The following STXBP6 variants were observed in gnomAD, a reference collection of about 807,000 sequenced individuals.
STXBP6 encodes syntaxin binding protein 6, also known as syntaxin-binding protein 6.
Under a neutral mutation model 26.9 loss-of-function variants are expected in STXBP6, and 21 were observed. The observed-to-expected ratio is 0.78, with a 90% CI of 0.55 to 1.12. The LOEUF is 1.12. STXBP6 is among the 50% of genes most tolerant of loss of function. STXBP6 has a pLI of 0.00. For missense variants in STXBP6, 232 were observed against 257.9 expected (o/e 0.90, Z 0.69); for synonymous variants, 97 against 92.6 (o/e 1.05, Z -0.27).
chr14:24,907,029 G>A (rs946369432), intron 2 of STXBP6, among the ~76,000 whole-genome samples: 1 of 152,086 alleles, frequency 6.6e-6, no homozygotes, highest in African/African-American at 2.4e-5. Context: ...GGGGGAAAAG[G>A]GGAATAAAGA....
chr14:24,900,595 T>C (rs940584872), intron 2 of STXBP6, among the ~76,000 whole-genome samples: 11 of 152,290 alleles, frequency 7.2e-5, no homozygotes, highest in Admixed American at 2.0e-4. Flanking sequence ...CTGGGCTAAA[T>C]GACAAGAGAA....
chr14:24,958,524 G>A (rs1214303278), intron 2 of STXBP6, among the ~76,000 whole-genome samples: 1 of 152,086 alleles, frequency 6.6e-6, no homozygotes, highest in Admixed American at 6.6e-5. Context: ...GAAATATTAT[G>A]TAGAAAAATA....
At chr14:25,035,650 G>A (rs903154371) in intron 1 of STXBP6, among the ~76,000 whole-genome samples, 2 of 152,086 alleles carry the variant, frequency 1.3e-5, no homozygotes, top group African/African-American at 4.8e-5. Context: ...TCTTACCAGA[G>A]GAAGTTTTCA....
chr14:25,017,168 G>A (rs1009822579), intron 1 of STXBP6, among the ~76,000 whole-genome samples: 1 of 152,184 alleles, frequency 6.6e-6, no homozygotes, highest in Non-Finnish European at 1.5e-5. Flanking sequence ...TAAACAGAAT[G>A]TATTTGTGCT....
At chr14:24,990,776 G>C (rs185979805) in intron 1 of STXBP6, among the ~76,000 whole-genome samples, 3 of 151,960 alleles carry the variant, frequency 2.0e-5, no homozygotes, top group African/African-American at 7.2e-5. Flanking sequence ...GCTGAGAGAA[G>C]AAGGTTGATC....
chr14:24,814,966 T>C (rs1246934060), intron 5 of STXBP6, among the ~76,000 whole-genome samples: 1 of 149,152 alleles, frequency 6.7e-6, no homozygotes, highest in Non-Finnish European at 1.5e-5. Flanking sequence ...TTCTGTTGTA[T>C]ATAAGTCACC....
At chr14:24,815,918 A>G (rs1432033629) in intron 5 of STXBP6, 1 of 152,234 alleles carries the variant, frequency 6.6e-6, no homozygotes, top group Non-Finnish European at 1.5e-5. Context: ...CAGTCTAGGA[A>G]GGCAGGGCGG....
chr14:24,844,641 C>T (rs930887171), intron 4 of STXBP6, among the ~76,000 whole-genome samples: 16 of 152,146 alleles, frequency 1.1e-4, no homozygotes, highest in Non-Finnish European at 1.6e-4. Context: ...GAAACAGATC[C>T]TAAAAACAAT....
At position 24,977,179 on chromosome 14, in the gene STXBP6, G is replaced by A. The variant is rs112350859; in HGVS notation, c.-32-2329C>T. The stretch of plus-strand genomic sequence containing the variant: ...GCGCCCTGTCTCACCCGGTGTTCTC[G>A]GACCAGTGCCTTCCCAGCTGTCATG... On this transcript the variant is annotated intron_variant, in intron 1 of 5. Transcript: ENST00000323944. Among the ~76,000 whole-genome samples, 655 of 151,858 alleles carry A rather than the reference G, an allele frequency of 4.3e-3. 3 individuals are homozygous for A. The highest frequency in any genetic ancestry group is 0.014 in the African/African-American group (579 of 41,398).
chr14:24,933,038 A>C (rs2072473470), intron 2 of STXBP6, among the ~76,000 whole-genome samples: 2 of 152,168 alleles, frequency 1.3e-5, no homozygotes, highest in Non-Finnish European at 1.5e-5. Flanking sequence ...GCATACAGAT[A>C]ATATTTGAAG....
intron 1 of STXBP6, among the ~76,000 whole-genome samples, chr14:25,001,718 G>A (rs2074765269): frequency 6.6e-6 from 1 of 151,966 alleles, no homozygotes; most frequent in Non-Finnish European, 1.5e-5. Context: ...TCAAAATCTG[G>A]GCTCGATCAT....
intron 1 of STXBP6, among the ~76,000 whole-genome samples, chr14:24,999,374 A>G (rs936288174): frequency 6.6e-6 from 1 of 152,216 alleles, no homozygotes; most frequent in Non-Finnish European, 1.5e-5. Flanking sequence ...TGCAAGTAAG[A>G]GAAGCATGGA....
Position 24,848,046 on chromosome 14 carries a change from T to C in STXBP6, c.451+7890A>G, listed in dbSNP as rs1184919438. On this transcript the variant is annotated intron_variant, in intron 4 of 5. Transcript: ENST00000323944. ...CCCCAATTCTTATGGCTAACACAGA[T>C]TAGGAAAGCTCAAGAATATTCCCTT... 3.3e-5 allele frequency among the ~76,000 whole-genome samples: 5 copies of C among 152,154 alleles called. No individual in the cohort carries two copies. In the East Asian group the frequency reaches 9.6e-4, roughly 29 times the overall value.
chr14:25,019,030 C>T (rs2075212117), intron 1 of STXBP6, among the ~76,000 whole-genome samples: 1 of 152,118 alleles, frequency 6.6e-6, no homozygotes, highest in Admixed American at 6.6e-5. Context: ...ACCTCATCTT[C>T]CACACTTTTT....
At chr14:24,977,603 A>G (rs761491654) in intron 1 of STXBP6, among the ~76,000 whole-genome samples, 1 of 152,182 alleles carries the variant, frequency 6.6e-6, no homozygotes, top group Non-Finnish European at 1.5e-5. Context: ...GTCTTCACCT[A>G]CCTCCTGGAA....
At chr14:24,912,236 T>C (rs12891857) in intron 2 of STXBP6, among the ~76,000 whole-genome samples, 17,719 of 152,176 alleles carry the variant, frequency 0.12, 1,083 homozygotes, top group East Asian at 0.17. Flanking sequence ...TATTTTCTTA[T>C]AGCCTTTAAA....
At chr14:24,900,923 T>C (rs1034727224) in intron 2 of STXBP6, among the ~76,000 whole-genome samples, 1 of 152,130 alleles carries the variant, frequency 6.6e-6, no homozygotes, top group Non-Finnish European at 1.5e-5. Flanking sequence ...AAAGCAGAGA[T>C]GAAGACAGTA....
At chr14:24,992,481 T>C (rs907787127) in intron 1 of STXBP6, among the ~76,000 whole-genome samples, 2 of 152,128 alleles carry the variant, frequency 1.3e-5, no homozygotes, top group African/African-American at 4.8e-5. Flanking sequence ...AGGACCATAA[T>C]CCAGGGGTCA....
intron 4 of STXBP6, among the ~76,000 whole-genome samples, chr14:24,820,374 G>A (rs1006081581): frequency 3.2e-4 from 48 of 152,288 alleles, no homozygotes; most frequent in Non-Finnish European, 5.6e-4. Context: ...CTGGACTGGA[G>A]GAAGCACTTA....
Sources: gnomAD v4.1 joint callset for allele counts (sites outside exome capture counted in the v4.1 genomes callset) on GRCh38, gnomAD v4.1.1 for gene constraint, MANE v1.5 for transcripts, NCBI Gene and HGNC (gene_info 2026-07-23, HGNC 2026-07-21) for gene names.